Variants in OR5A1 observed in about 807,000 individuals in gnomAD.
OR5A1 encodes olfactory receptor family 5 subfamily A member 1, also known as olfactory receptor 5A1.
OR5A1 carries 6 observed loss-of-function variants against 6.7 expected under a neutral mutation model. The ratio of observed to expected loss-of-function variants is 0.89; its 90% confidence interval spans 0.49 to 1.76. The LOEUF (loss-of-function observed/expected upper bound fraction) is 1.76, where lower values mean the gene tolerates loss of function less well. Ranked by LOEUF, OR5A1 falls within the 40% of genes most tolerant of loss-of-function variation. The probability of loss-of-function intolerance (pLI) is 0.01; values close to 1 mark genes in which losing one functional copy is unlikely to be tolerated. For missense variants in OR5A1, 378 were observed against 381.7 expected, an observed-to-expected ratio of 0.99 and a Z score of 0.08; for synonymous variants, 170 against 155.0, an observed-to-expected ratio of 1.10 and a Z score of -0.72.
chr11:59,451,136 T>C lies in OR5A1; in HGVS notation c.*7020T>C, dbSNP rs1248508048. 1 of 152,366 alleles carries C rather than the reference T, an allele frequency of 6.6e-6. No homozygotes were observed. The highest frequency in any genetic ancestry group is 1.9e-4 in the East Asian group (1 of 5,192). The allele number at this position is 152,366 out of a possible 1,614,324, so 9.4% of individuals were successfully genotyped here. Reference sequence around the variant, plus strand: ...CCTATTAATCATATGAAAGTGTCACTTTCCCCACATCTATGCCAACAGTGG... The same window carrying C: ...CCTATTAATCATATGAAAGTGTCACCTTCCCCACATCTATGCCAACAGTGG... On this transcript the variant is annotated 3_prime_UTR_variant, in exon 2 of 2. Transcript: ENST00000641045.
chr11:59,446,409 C>T lies in OR5A1; in HGVS notation c.*2293C>T, dbSNP rs1314497769. On this transcript the variant is annotated 3_prime_UTR_variant, in exon 2 of 2. Transcript: ENST00000641045. ...ATAGACTTGTAGTATAGTTTGAAGT[C>T]AGGGAGTGTAATGCCTCCGGCTTTG... 6.6e-6 allele frequency: 1 copy of T among 152,116 alleles called. No homozygotes were observed. The highest frequency in any genetic ancestry group is 1.5e-5 in the Non-Finnish European group (1 of 68,028). The allele number at this position is 152,116 out of a possible 1,614,324, so 9.4% of individuals were successfully genotyped here. A position where few individuals can be genotyped will look rare whatever the true frequency, so the allele number is the denominator to read the frequency against.
At chr11:59,443,052 C>G (rs191552314) in intron 1 of OR5A1, 84 bp from the exon 2 acceptor site, 2 of 693,578 alleles carry the variant, frequency 2.9e-6, no homozygotes, top group Non-Finnish European at 5.0e-6. Flanking sequence ...AAGCTGTAAC[C>G]TGTAATCCTC....
rs1858583170 is a variant in OR5A1, at chr11:59,448,856, C to T, written c.*4740C>T. 1 of 152,178 alleles carries T rather than the reference C, an allele frequency of 6.6e-6. No individual in the cohort carries two copies. The allele number at this position is 152,178 out of a possible 1,614,324, so 9.4% of individuals were successfully genotyped here. A position where few individuals can be genotyped will look rare whatever the true frequency, so the allele number is the denominator to read the frequency against. On this transcript the variant is annotated 3_prime_UTR_variant, in exon 2 of 2. Coordinates refer to ENST00000641045, the MANE Select transcript of OR5A1 (RefSeq NM_001004728.2). ...GTGACCCAAATTGTGACCATTGTCA[C>T]ATGAAATTGACTCTTGAACTATAAT...
chr11:59,443,394 T>A lies in OR5A1; in HGVS notation c.226T>A (p.Tyr76Asn), dbSNP rs1432116931. 3.1e-6 allele frequency: 5 copies of A among 1,613,890 alleles called. No individual in the cohort carries two copies. Among genetic ancestry groups the A allele is most frequent in the Non-Finnish European group, 3.4e-6 (4 of 1,180,008 alleles). The change falls in exon 2 of 2, where the codon TAC becomes AAC. Residue 76 changes from tyrosine to asparagine, a missense_variant. Tyr to Asn is a moderately radical substitution (Grantham distance 143). Transcript: ENST00000641045. Reference sequence around the variant, plus strand: ...CAACTTATCTTTCATTGACATCTGCTACTCTTCTGCTGTGGCTCCCAATAT... The same window carrying A: ...CAACTTATCTTTCATTGACATCTGCAACTCTTCTGCTGTGGCTCCCAATAT... ...LSNLSFIDIC[Y>N]SSAVAPNMLT...
intron 1 of OR5A1, among the ~76,000 whole-genome samples, chr11:59,439,970 C>T (rs558396400): frequency 2.0e-5 from 3 of 152,200 alleles, no homozygotes; most frequent in Non-Finnish European, 4.4e-5. Context: ...ATCACATTCC[C>T]AGTTTATTAA....
At position 59,444,068 on chromosome 11, in the gene OR5A1, C is replaced by T; in HGVS notation, c.900C>T (p.Ile300=). 1 of 1,613,952 alleles carries T rather than the reference C, an allele frequency of 6.2e-7. No homozygotes were observed. The highest frequency in any genetic ancestry group is 8.5e-7 in the Non-Finnish European group (1 of 1,179,928). Residue 300 remains isoleucine, a synonymous_variant, in exon 2 of 2, where the codon ATC becomes ATT. Coordinates refer to ENST00000641045, the MANE Select transcript of OR5A1 (RefSeq NM_001004728.2). ...PLIYSLRNKE[I]KDALWKVLER... ...TTTACAGTTTGAGGAACAAAGAGAT[C>T]AAGGATGCCCTGTGGAAGGTGTTGG... is the stretch of plus-strand genomic sequence containing the variant.
chr11:59,450,310 G>A lies in OR5A1; in HGVS notation c.*6194G>A, dbSNP rs528830510. On this transcript the variant is annotated 3_prime_UTR_variant, in exon 2 of 2. Coordinates refer to ENST00000641045, the MANE Select transcript of OR5A1 (RefSeq NM_001004728.2). ...GGAATAATGTTAATCTGAAAGAGAAGTCAACAGTAAGTAGATTTGACCTCA... is the reference window on the plus strand; with the variant it reads ...GGAATAATGTTAATCTGAAAGAGAAATCAACAGTAAGTAGATTTGACCTCA... 4 of 152,282 alleles carry A rather than the reference G, an allele frequency of 2.6e-5. No homozygotes were observed. Among genetic ancestry groups the A allele is most frequent in the African/African-American group, 9.6e-5 (4 of 41,538 alleles). 9.4% of individuals were successfully genotyped at this position (152,282 alleles called of 1,614,324 possible). A position where few individuals can be genotyped will look rare whatever the true frequency, so the allele number is the denominator to read the frequency against.
rs556078090 is a variant in OR5A1, at chr11:59,445,518, T to A, written c.*1402T>A. On this transcript the variant is annotated 3_prime_UTR_variant, in exon 2 of 2. Transcript: ENST00000641045. ...AGAATTATTTATATTCCTTTGGATA[T>A]ATACCCAGTAATAAGATTGCTGGGT... 6.6e-6 allele frequency: 1 copy of A among 152,316 alleles called. No homozygotes were observed. The highest frequency in any genetic ancestry group is 1.9e-4 in the East Asian group (1 of 5,192). 9.4% of individuals were successfully genotyped at this position (152,316 alleles called of 1,614,324 possible).
At position 59,448,231 on chromosome 11, in the gene OR5A1, T is replaced by A. The variant is rs1001617737; in HGVS notation, c.*4115T>A. On this transcript the variant is annotated 3_prime_UTR_variant, in exon 2 of 2. Coordinates refer to ENST00000641045, the MANE Select transcript of OR5A1 (RefSeq NM_001004728.2). ...TGAAGGAGGAGGCACAAAACCTGCATGCCATTTCAGCGTAAGTCCCTCTCC... is the reference window on the plus strand; with the variant it reads ...TGAAGGAGGAGGCACAAAACCTGCAAGCCATTTCAGCGTAAGTCCCTCTCC... 6.6e-6 allele frequency: 1 copy of A among 152,182 alleles called. No homozygotes were observed. The highest frequency in any genetic ancestry group is 1.5e-5 in the Non-Finnish European group (1 of 68,056). 9.4% of individuals were successfully genotyped at this position (152,182 alleles called of 1,614,324 possible). A position where few individuals can be genotyped will look rare whatever the true frequency, so the allele number is the denominator to read the frequency against.
chr11:59,440,299 T>C (rs137941581), intron 1 of OR5A1, among the ~76,000 whole-genome samples: 321 of 152,328 alleles, frequency 2.1e-3, no homozygotes, highest in African/African-American at 7.4e-3. Flanking sequence ...CTCGAGCTCC[T>C]GGCCTCAAGC....
At chr11:59,439,755 A>G (rs1858461375) in intron 1 of OR5A1, among the ~76,000 whole-genome samples, 1 of 152,212 alleles carries the variant, frequency 6.6e-6, no homozygotes, top group Admixed American at 6.5e-5. Context: ...TTCAAAACAG[A>G]CTTTCAATTA....
chr11:59,444,307 G>T lies in OR5A1; in HGVS notation c.*191G>T. On this transcript the variant is annotated 3_prime_UTR_variant, in exon 2 of 2. Transcript: ENST00000641045. ...GTGCCATAGATAGCCAAAAAGGGAA[G>T]GAATTTCTTCAGAAAAAAAAAAAAA... The T allele has an allele frequency of 1.1e-5, 2 of 178,272 alleles. No individual in the cohort carries two copies. The highest frequency in any genetic ancestry group is 9.9e-5 in the East Asian group (1 of 10,148). 11.0% of individuals were successfully genotyped at this position (178,272 alleles called of 1,614,324 possible).
At position 59,449,988 on chromosome 11, in the gene OR5A1, A is replaced by C. The variant is rs768441051; in HGVS notation, c.*5872A>C. The C allele has an allele frequency of 1.3e-5, 2 of 152,234 alleles. No individual in the cohort carries two copies. The highest frequency in any genetic ancestry group is 2.9e-5 in the Non-Finnish European group (2 of 68,050). 9.4% of individuals were successfully genotyped at this position (152,234 alleles called of 1,614,324 possible). On this transcript the variant is annotated 3_prime_UTR_variant, in exon 2 of 2. Coordinates refer to ENST00000641045, the MANE Select transcript of OR5A1 (RefSeq NM_001004728.2). ...CACACATAGACCCATAAAGGCAAGG[A>C]GTAAAAAGTGCTAGATTATCACAAG...
intron 1 of OR5A1, 100 bp from the exon 2 acceptor site, chr11:59,443,036 T>C: frequency 1.6e-6 from 1 of 635,722 alleles, no homozygotes; most frequent in South Asian, 2.0e-5. Flanking sequence ...AGAGAGTCTT[T>C]GCATAAAGCT....
chr11:59,443,556 T>C lies in OR5A1; in HGVS notation c.388T>C (p.Ser130Pro). The C allele has an allele frequency of 6.2e-7, 1 of 1,614,082 alleles. No homozygotes were observed. The highest frequency in any genetic ancestry group is 8.5e-7 in the Non-Finnish European group (1 of 1,180,014). Residue 130 changes from serine to proline, a missense_variant, in exon 2 of 2, where the codon TCC (serine) becomes CCC (proline). Coordinates refer to ENST00000641045, the MANE Select transcript of OR5A1 (RefSeq NM_001004728.2). ...GGCATACGACCGATATGCAGCCATC[T>C]CCAGCCCCCTTCTCTACCCCACTAT... ...AMAYDRYAAI[S>P]SPLLYPTIMT...
In OR5A1 at chr11:59,443,726, A is replaced by C; in HGVS notation, c.558A>C (p.Pro186=). The C allele has an allele frequency of 6.2e-7, 1 of 1,614,026 alleles. No homozygotes were observed. The highest frequency in any genetic ancestry group is 8.5e-7 in the Non-Finnish European group (1 of 1,179,982). The change falls in exon 2 of 2, where the codon CCA becomes CCC. Residue 186 remains proline, a synonymous_variant. Transcript: ENST00000641045. The part of the protein sequence containing the change: ...IINHFFCDLP[P]VLALSCSDTF... ...ACCACTTCTTCTGCGACCTCCCACC[A>C]GTCCTGGCTCTGTCTTGCTCTGACA...
In OR5A1 at chr11:59,446,133, C is replaced by A. The variant is rs567694339; in HGVS notation, c.*2017C>A. 6.6e-6 allele frequency: 1 copy of A among 152,268 alleles called. No individual in the cohort carries two copies. Among genetic ancestry groups the A allele is most frequent in the African/African-American group, 2.4e-5 (1 of 41,558 alleles). 9.4% of individuals were successfully genotyped at this position (152,268 alleles called of 1,614,324 possible). A position where few individuals can be genotyped will look rare whatever the true frequency, so the allele number is the denominator to read the frequency against. On this transcript the variant is annotated 3_prime_UTR_variant, in exon 2 of 2. Transcript: ENST00000641045. ...ATAGTTTGGGGCTTTACATTTAAAT[C>A]TTTAATCCATCTTGAGTTAATTTTT...
At chr11:59,441,200 A>G (rs1211685537) in intron 1 of OR5A1, among the ~76,000 whole-genome samples, 3 of 152,196 alleles carry the variant, frequency 2.0e-5, no homozygotes, top group African/African-American at 7.2e-5. Context: ...TTGACTTGCA[A>G]TGACTTCTAT....
chr11:59,445,214 T>C lies in OR5A1; in HGVS notation c.*1098T>C, dbSNP rs1233375512. On this transcript the variant is annotated 3_prime_UTR_variant, in exon 2 of 2. Transcript: ENST00000641045. The stretch of plus-strand genomic sequence containing the variant: ...TGCATTGTTCCCCTCTCTGTGTCCA[T>C]GTGTTCTCATTGTTTAGCTCTTACT... 1 of 152,162 alleles carries C rather than the reference T, an allele frequency of 6.6e-6. No homozygotes were observed. Among genetic ancestry groups the C allele is most frequent in the Non-Finnish European group, 1.5e-5 (1 of 68,032 alleles). The allele number at this position is 152,162 out of a possible 1,614,324, so 9.4% of individuals were successfully genotyped here.
Sources: gnomAD v4.1 joint callset for allele counts (sites outside exome capture counted in the v4.1 genomes callset) on GRCh38, gnomAD v4.1.1 for gene constraint, MANE v1.5 for transcripts, NCBI Gene and HGNC (gene_info 2026-07-23, HGNC 2026-07-21) for gene names.